The following SH3RF3 variants were observed in gnomAD, a reference collection of about 807,000 sequenced individuals.
SH3RF3 encodes E3 ubiquitin-protein ligase SH3RF3.
In SH3RF3, 29 loss-of-function variants were observed where a neutral mutation model predicts 66.3. That is an observed-to-expected ratio of 0.44 (90% CI 0.33 to 0.60). SH3RF3 has a LOEUF of 0.60. SH3RF3 is among the 20% of genes least tolerant of loss of function. SH3RF3 has a pLI of 0.04. For synonymous variants in SH3RF3, 583 were observed against 532.0 expected (o/e 1.10, Z -1.32); for missense variants, 1,194 against 1,190.9 (o/e 1.00, Z -0.04).
chr2:109,248,192 T>C (rs1001070937), intron 1 of SH3RF3, among the ~76,000 whole-genome samples: 1 of 152,246 alleles, frequency 6.6e-6, no homozygotes, highest in Non-Finnish European at 1.5e-5. Context: ...ATATTAATTC[T>C]TTCATTGCTA....
At chr2:109,435,728 T>G (rs1006815540) in intron 6 of SH3RF3, among the ~76,000 whole-genome samples, 1 of 152,362 alleles carries the variant, frequency 6.6e-6, no homozygotes, top group East Asian at 1.9e-4. Flanking sequence ...AATATCACCT[T>G]GCAAATTAGT....
intron 1 of SH3RF3, among the ~76,000 whole-genome samples, chr2:109,332,677 G>A (rs911088398): frequency 5.9e-5 from 9 of 152,212 alleles, no homozygotes; most frequent in African/African-American, 2.2e-4. Context: ...AGGATGGGGC[G>A]ATGAGTCACC....
chr2:109,338,876 A>T (rs1391951703), intron 1 of SH3RF3, among the ~76,000 whole-genome samples: 1 of 152,128 alleles, frequency 6.6e-6, no homozygotes, highest in East Asian at 1.9e-4. Context: ...CTCAAACTCA[A>T]CTCCTAAGAG....
At chr2:109,466,715 A>G (rs1269676014) in intron 8 of SH3RF3, among the ~76,000 whole-genome samples, 2 of 152,106 alleles carry the variant, frequency 1.3e-5, no homozygotes, top group African/African-American at 4.8e-5. Flanking sequence ...TGCATTTTAC[A>G]TTTGGGTCCA....
At chr2:109,329,958 A>C (rs1303351056) in intron 1 of SH3RF3, among the ~76,000 whole-genome samples, 1 of 152,226 alleles carries the variant, frequency 6.6e-6, no homozygotes, top group East Asian at 1.9e-4. Flanking sequence ...GGGTTCTTGG[A>C]CCCCTAGTCA....
intron 8 of SH3RF3, among the ~76,000 whole-genome samples, chr2:109,472,329 C>T (rs1678538678): frequency 6.6e-6 from 1 of 152,148 alleles, no homozygotes; most frequent in South Asian, 2.1e-4. Context: ...CCCTCCTCAC[C>T]TGCACTCTCG....
chr2:109,414,609 C>G (rs1245367160), intron 4 of SH3RF3, among the ~76,000 whole-genome samples: 1 of 152,140 alleles, frequency 6.6e-6, no homozygotes, highest in African/African-American at 2.4e-5. Flanking sequence ...CCTCATAGAT[C>G]AGCTATACAT....
intron 8 of SH3RF3, among the ~76,000 whole-genome samples, chr2:109,469,307 C>T (rs189624827): frequency 2.0e-4 from 30 of 152,362 alleles, no homozygotes; most frequent in Admixed American, 5.2e-4. Flanking sequence ...GTGTCCTCCA[C>T]TCTGTATCCT....
chr2:109,415,821 A>G (rs1303707087), intron 4 of SH3RF3, among the ~76,000 whole-genome samples: 5 of 152,178 alleles, frequency 3.3e-5, no homozygotes, highest in Non-Finnish European at 2.9e-5. Flanking sequence ...TGTGGCTTGA[A>G]TGTCCCCTCT....
chr2:109,470,589 GT>G (rs1431190626), intron 8 of SH3RF3, among the ~76,000 whole-genome samples: 2 of 152,252 alleles, frequency 1.3e-5, no homozygotes, highest in East Asian at 3.8e-4. Flanking sequence ...GAACAAGGCA[GT>G]CTGGAGGAGG....
intron 1 of SH3RF3, among the ~76,000 whole-genome samples, chr2:109,191,796 C>T (rs1678373656): frequency 6.6e-6 from 1 of 152,172 alleles, no homozygotes; most frequent in Non-Finnish European, 1.5e-5. Flanking sequence ...TGGGCAAAGT[C>T]CCCAGGTTGG....
At position 109,300,328 on chromosome 2, in the gene SH3RF3, C is replaced by T. The variant is rs149619324; in HGVS notation, c.574-47346C>T. On this transcript the variant is annotated intron_variant, in intron 1 of 9. Transcript: ENST00000309415. ...CCGAGTAGCTGGGACTATAGTCGCA[C>T]GCCACCATGTCTGGCTAATTTTTGT... Among the ~76,000 whole-genome samples the T allele has an allele frequency of 1.2e-3, 181 of 152,212 alleles. No individual in the cohort carries two copies. The East Asian group carries it at 0.026, about 21-fold the overall frequency.
At chr2:109,475,626 GT>G (rs1258472213) in intron 8 of SH3RF3, among the ~76,000 whole-genome samples, 3 of 152,328 alleles carry the variant, frequency 2.0e-5, no homozygotes, top group African/African-American at 7.2e-5. Context: ...ATAATCCTCT[GT>G]TTTGAGGACT....
chr2:109,470,656 G>T (rs938109659), intron 8 of SH3RF3, among the ~76,000 whole-genome samples: 3 of 152,202 alleles, frequency 2.0e-5, no homozygotes, highest in Non-Finnish European at 2.9e-5. Context: ...CGCATGGGGT[G>T]CCTAGAAACT....
chr2:109,351,981 A>C (rs548599666), intron 2 of SH3RF3, among the ~76,000 whole-genome samples: 301 of 152,372 alleles, frequency 2.0e-3, no homozygotes, highest in Middle Eastern at 6.8e-3. Context: ...AGGGACAGAC[A>C]TAGATGGATA....
chr2:109,419,049 G>A (rs903324193), intron 4 of SH3RF3, among the ~76,000 whole-genome samples: 7 of 152,098 alleles, frequency 4.6e-5, no homozygotes, highest in Non-Finnish European at 1.0e-4. Context: ...CTTGGGGGGA[G>A]GGGGGCACCC....
intron 5 of SH3RF3, among the ~76,000 whole-genome samples, chr2:109,422,393 T>A (rs1339930756): frequency 6.6e-6 from 1 of 152,160 alleles, no homozygotes; most frequent in Non-Finnish European, 1.5e-5. Context: ...GCCCTTGAGA[T>A]TAAGAGGCCT....
At chr2:109,182,641 G>A (rs963741564) in intron 1 of SH3RF3, among the ~76,000 whole-genome samples, 1 of 152,244 alleles carries the variant, frequency 6.6e-6, no homozygotes, top group Non-Finnish European at 1.5e-5. Context: ...GAATGAATGA[G>A]TGGGTAAGTA....
intron 1 of SH3RF3, among the ~76,000 whole-genome samples, chr2:109,298,338 C>T (rs112197991): frequency 0.011 from 1,643 of 152,182 alleles, 28 homozygotes; most frequent in African/African-American, 0.038. Context: ...TCATCCTTGT[C>T]CCTGCAGTTC....
Sources: gnomAD v4.1 joint callset for allele counts (sites outside exome capture counted in the v4.1 genomes callset) on GRCh38, gnomAD v4.1.1 for gene constraint, MANE v1.5 for transcripts, NCBI Gene and HGNC (gene_info 2026-07-23, HGNC 2026-07-21) for gene names.